Variants in B4GALNT2 observed in about 807,000 individuals in gnomAD.
The protein encoded by B4GALNT2 is beta-1,4-N-acetyl-galactosaminyltransferase 2 (SID blood group), also known as N-acetylneuraminylgalactosylglucosyl-glucoside beta-1,4-N- acetylgalactosaminyltransferase 2.
In B4GALNT2, 42 loss-of-function variants were observed where a neutral mutation model predicts 51.1. The observed-to-expected ratio is 0.82, with a 90% CI of 0.64 to 1.06. B4GALNT2 has a LOEUF of 1.06. B4GALNT2 is among the 50% of genes least tolerant of loss of function. B4GALNT2 has a pLI of 0.00. For synonymous variants in B4GALNT2, 253 were observed against 251.7 expected (o/e 1.01, Z -0.05); for missense variants, 602 against 633.6 (o/e 0.95, Z 0.54).
In B4GALNT2 at chr17:49,160,431, C is replaced by A. The variant is rs568211990; in HGVS notation, c.680-124C>A. The A allele has an allele frequency of 2.8e-4, 247 of 895,552 alleles. 2 individuals are homozygous for A. The South Asian group carries it at 2.9e-3, about 10-fold the overall frequency. The allele number at this position is 895,552 out of a possible 1,614,324, so 55.5% of individuals were successfully genotyped here. A position where few individuals can be genotyped will look rare whatever the true frequency, so the allele number is the denominator to read the frequency against. ...CCAGAGACTCTATGGGGTCCTTGAT[C>A]TCATCCCAACCAGGACTCTCCCCAC... is the stretch of plus-strand genomic sequence containing the variant. On this transcript the variant is annotated intron_variant, in intron 6 of 10. Transcript: ENST00000393354.
chr17:49,122,283 G>A, the B4GALNT2 span, among the ~76,000 whole-genome samples: 1 of 152,210 alleles, frequency 6.6e-6, no homozygotes, highest in African/African-American at 2.4e-5. Context: ...GTCCAAGATG[G>A]TGATGCTCCT....
At chr17:49,144,190 T>A (rs1421834069) in intron 3 of B4GALNT2, among the ~76,000 whole-genome samples, 2 of 152,094 alleles carry the variant, frequency 1.3e-5, no homozygotes, top group Non-Finnish European at 2.9e-5. Flanking sequence ...ACCAGTCCCA[T>A]CATGGGGTCC....
chr17:49,145,094 C>CA (rs968195347), intron 3 of B4GALNT2, among the ~76,000 whole-genome samples: 1 of 152,166 alleles, frequency 6.6e-6, no homozygotes, highest in African/African-American at 2.4e-5. Flanking sequence ...TCTCCTTTGG[C>CA]AACACCCTCA....
chr17:49,156,584 C>A lies in B4GALNT2; in HGVS notation c.479C>A (p.Pro160His). 6.2e-7 allele frequency: 1 copy of A among 1,613,678 alleles called. No individual in the cohort carries two copies. Among genetic ancestry groups the A allele is most frequent in the Non-Finnish European group, 8.5e-7 (1 of 1,179,884 alleles). ...VPIPGLQFEG[P>H]DAPVYEVTLT... ...CCTCCAGGCCTCCAGTTTGAAGGAC[C>A]CGATGCCCCCGTCTATGAGGTGAGT... Residue 160 changes from proline (P) to histidine (H), a missense_variant, in exon 5 of 11, where the codon CCC becomes CAC. By Grantham distance (77) the Pro-to-His change is moderately conservative (BLOSUM62 -2). Transcript: ENST00000393354.
At chr17:49,152,950 C>T in intron 4 of B4GALNT2, 44 bp downstream of exon 4, 1 of 1,525,284 alleles carries the variant, frequency 6.6e-7, no homozygotes. Context: ...AACATTCTCA[C>T]TCTTCTAAGG....
chr17:49,157,369 G>C (rs879451471), intron 5 of B4GALNT2, among the ~76,000 whole-genome samples: 23,464 of 151,194 alleles, frequency 0.16, 2,110 homozygotes, highest in South Asian at 0.31. Context: ...CACCTAGCCT[G>C]GAGTGCAGTG....
At chr17:49,162,285 C>T (rs4550490) in intron 7 of B4GALNT2, among the ~76,000 whole-genome samples, 93,488 of 152,020 alleles carry the variant, frequency 0.61, 29,115 homozygotes, top group East Asian at 0.84. Flanking sequence ...GAAAAGAACA[C>T]CCAATAATGG....
intron 3 of B4GALNT2, 75 bp from the exon 4 acceptor site, chr17:49,152,725 A>G: frequency 9.4e-7 from 1 of 1,059,836 alleles, no homozygotes. Flanking sequence ...GGCTCTGTGC[A>G]CAGGCACCAC....
chr17:49,159,354 T>TTTTGC (rs2042841336), intron 6 of B4GALNT2, 137 bp downstream of exon 6: 1 of 1,085,516 alleles, frequency 9.2e-7, no homozygotes, highest in Non-Finnish European at 1.3e-6. Context: ...TTTTGTTTTG[T>TTTTGC]TTTTTGAGAC....
At chr17:49,164,348 A>G (rs2042892088) in intron 8 of B4GALNT2, 73 bp downstream of exon 8, 1 of 1,384,424 alleles carries the variant, frequency 7.2e-7, no homozygotes, top group Admixed American at 1.8e-5. Context: ...TCTACCCTGG[A>G]TGGGGCCGCT....
intron 7 of B4GALNT2, among the ~76,000 whole-genome samples, chr17:49,163,230 A>G (rs953756804): frequency 9.2e-5 from 14 of 152,172 alleles, no homozygotes; most frequent in African/African-American, 2.9e-4. Context: ...CTTATACGTC[A>G]CATGCCTTAA....
rs2042979550 is a variant in B4GALNT2, at chr17:49,175,075, G to C, written c.*5347G>C. The C allele has an allele frequency of 6.6e-6, 1 of 152,138 alleles. No homozygotes were observed. The highest frequency in any genetic ancestry group is 1.5e-5 in the Non-Finnish European group (1 of 68,036). 9.4% of individuals were successfully genotyped at this position (152,138 alleles called of 1,614,324 possible). A position where few individuals can be genotyped will look rare whatever the true frequency, so the allele number is the denominator to read the frequency against. On this transcript the variant is annotated 3_prime_UTR_variant, in exon 11 of 11. Coordinates refer to ENST00000393354, the MANE Select transcript of B4GALNT2 (RefSeq NM_001159387.2). The stretch of plus-strand genomic sequence containing the variant: ...TCACAATGCAAAATATAATTACTTT[G>C]ATATACTTCAGGGGCTTTACCAACT...
upstream of B4GALNT2, among the ~76,000 whole-genome samples, chr17:49,128,007 A>G (rs536611723): frequency 3.9e-5 from 6 of 152,314 alleles, no homozygotes; most frequent in Admixed American, 3.3e-4. Context: ...CCTTTTGAAT[A>G]TACTCATAGC....
At chr17:49,125,348 C>T in the B4GALNT2 span, among the ~76,000 whole-genome samples, 5 of 151,988 alleles carry the variant, frequency 3.3e-5, no homozygotes, top group Admixed American at 2.6e-4. Context: ...TTAATAGAGA[C>T]GGGGTTTCAC....
chr17:49,167,085 C>A (rs911651463), intron 9 of B4GALNT2, among the ~76,000 whole-genome samples: 2 of 152,180 alleles, frequency 1.3e-5, no homozygotes, highest in African/African-American at 4.8e-5. Context: ...AGTGGACAAT[C>A]CCCAAAACAC....
the B4GALNT2 span, among the ~76,000 whole-genome samples, chr17:49,127,422 A>C: frequency 4.6e-5 from 7 of 152,288 alleles, no homozygotes; most frequent in African/African-American, 1.7e-4. Context: ...TATCCTGGCA[A>C]CTCTTAAGAC....
At chr17:49,142,422 A>T (rs1450940621) in intron 3 of B4GALNT2, among the ~76,000 whole-genome samples, 1 of 152,198 alleles carries the variant, frequency 6.6e-6, no homozygotes, top group East Asian at 1.9e-4. Flanking sequence ...GGGATTGGTG[A>T]CACATGTCTG....
intron 3 of B4GALNT2, among the ~76,000 whole-genome samples, chr17:49,147,567 G>A (rs2042707180): frequency 6.6e-6 from 1 of 151,262 alleles, no homozygotes; most frequent in Admixed American, 6.6e-5. Flanking sequence ...GTAGATATGG[G>A]GTTTTGCCAT....
At chr17:49,120,825 A>C in the B4GALNT2 span, among the ~76,000 whole-genome samples, 3 of 151,944 alleles carry the variant, frequency 2.0e-5, no homozygotes, top group Non-Finnish European at 4.4e-5. Flanking sequence ...GAGTGTTTTG[A>C]AGACAGGGAA....
Sources: allele counts gnomAD v4.1 joint callset (sites outside exome capture counted in the v4.1 genomes callset), GRCh38; gene constraint gnomAD v4.1.1; transcripts MANE v1.5; gene names NCBI Gene and HGNC (gene_info 2026-07-23, HGNC 2026-07-21).